Variants in FAM200B observed in about 807,000 individuals in gnomAD.
FAM200B encodes zinc finger BED-type containing 11, also known as protein FAM200B.
Under a neutral mutation model 33.1 loss-of-function variants are expected in FAM200B, and 32 were observed. That is an observed-to-expected ratio of 0.97 (90% CI 0.73 to 1.30). FAM200B has a LOEUF of 1.30. FAM200B is among the 50% of genes most tolerant of loss of function. FAM200B has a pLI of 0.00. For synonymous variants in FAM200B, 240 were observed against 264.8 expected (o/e 0.91, Z 0.91); for missense variants, 741 against 754.0 (o/e 0.98, Z 0.20).
the FAM200B span, chr4:15,644,395 A>G: frequency 1.0e-6 from 1 of 975,876 alleles, no homozygotes; most frequent in East Asian, 2.5e-5. Flanking sequence ...TTTTTTCAAC[A>G]TTACATCATT....
At chr4:15,645,072 T>C in the FAM200B span, among the ~76,000 whole-genome samples, 1 of 152,034 alleles carries the variant, frequency 6.6e-6, no homozygotes, top group Non-Finnish European at 1.5e-5. Flanking sequence ...GAAACTTGAT[T>C]AGGTTAAATA....
the FAM200B span, chr4:15,655,498 C>G: frequency 1.8e-6 from 1 of 549,238 alleles, no homozygotes; most frequent in Non-Finnish European, 2.3e-6. Flanking sequence ...CGCAGAGGCT[C>G]GCGGCTTCTG....
the FAM200B span, chr4:15,659,682 A>G: frequency 3.1e-5 from 30 of 972,844 alleles, no homozygotes; most frequent in Non-Finnish European, 3.7e-5. Context: ...ATTTTCAGAC[A>G]GAGAAGAGCC....
chr4:15,644,342 T>C, the FAM200B span: 2 of 656,514 alleles, frequency 3.0e-6, no homozygotes, highest in African/African-American at 3.6e-5. Context: ...GTAGTTCTTT[T>C]TAAATAGTCT....
At chr4:15,678,596 T>C (rs1184241979), upstream of FAM200B, among the ~76,000 whole-genome samples, 1 of 141,136 alleles carries the variant, frequency 7.1e-6, no homozygotes, top group Non-Finnish European at 1.6e-5. Context: ...ATAACAAGAA[T>C]GCAACAACTT....
the FAM200B span, chr4:15,638,402 G>T: frequency 1.5e-6 from 1 of 689,280 alleles, no homozygotes; most frequent in Non-Finnish European, 2.3e-6. Context: ...TGACCACAGT[G>T]CAGGCCTAAC....
At chr4:15,674,672 CAG>C in the FAM200B span, among the ~76,000 whole-genome samples, 1 of 147,156 alleles carries the variant, frequency 6.8e-6, no homozygotes, top group African/African-American at 2.5e-5. Flanking sequence ...TTTTTTGAGA[CAG>C]AGTCTCACTC....
chr4:15,670,685 T>A, the FAM200B span, among the ~76,000 whole-genome samples: 1 of 145,152 alleles, frequency 6.9e-6, no homozygotes, highest in Non-Finnish European at 1.5e-5. Flanking sequence ...TATTTTTGGT[T>A]TTCTTTTATA....
At chr4:15,663,693 CAT>C in the FAM200B span, among the ~76,000 whole-genome samples, 1 of 152,186 alleles carries the variant, frequency 6.6e-6, no homozygotes, top group Non-Finnish European at 1.5e-5. Context: ...GTACCTGTCA[CAT>C]AATTTTTTTT....
At chr4:15,676,505 A>G in the FAM200B span, among the ~76,000 whole-genome samples, 1 of 152,224 alleles carries the variant, frequency 6.6e-6, no homozygotes, top group African/African-American at 2.4e-5. Context: ...ATAAAATGAA[A>G]TATGTGGACA....
rs773463537 is a variant in FAM200B, at chr4:15,688,091, G to A, written c.1114G>A (p.Glu372Lys). ...NSRLLETFCS[E>K]IGTNHTHLLY... ...CCGGCTTCTTGAAACATTTTGTTCA[G>A]AGATTGGAACTAATCATACCCACTT... Residue 372 changes from glutamate (E) to lysine (K), a missense_variant, in exon 2 of 2, where the codon GAG (glutamate) becomes AAG (lysine). Coordinates refer to ENST00000422728, the MANE Select transcript of FAM200B (RefSeq NM_001145191.2). The A allele has an allele frequency of 3.6e-5, 56 of 1,551,040 alleles. 1 individual carries two copies. The highest frequency in any genetic ancestry group is 4.6e-5 in the Non-Finnish European group (53 of 1,146,758).
the FAM200B span, among the ~76,000 whole-genome samples, chr4:15,670,069 G>A: frequency 6.6e-6 from 1 of 152,146 alleles, no homozygotes; most frequent in Admixed American, 6.5e-5. Flanking sequence ...GCTTTATGGA[G>A]GTGTACCTTG....
chr4:15,660,276 T>C, the FAM200B span, among the ~76,000 whole-genome samples: 4 of 152,064 alleles, frequency 2.6e-5, no homozygotes, highest in Non-Finnish European at 4.4e-5. Flanking sequence ...AGAGGTGCAG[T>C]CTCATGATGT....
At position 15,687,835 on chromosome 4, in the gene FAM200B, A is replaced by G. The variant is rs752933961; in HGVS notation, c.858A>G (p.Leu286=). 1.6e-4 allele frequency: 246 copies of G among 1,551,206 alleles called. 1 individual carries two copies. The highest frequency in any genetic ancestry group is 2.1e-4 in the Non-Finnish European group (236 of 1,146,752). The change falls in exon 2 of 2, where the codon TTA becomes TTG. Residue 286 remains leucine (L), a synonymous_variant. Transcript: ENST00000422728. ...LERRIVGQYK[L]NWKNCKGITS... is the part of the protein sequence containing the mutation. ...GGCGCATAGTTGGCCAATATAAATTAAACTGGAAAAACTGTAAAGGAATTA... is the reference window on the plus strand; with the variant it reads ...GGCGCATAGTTGGCCAATATAAATTGAACTGGAAAAACTGTAAAGGAATTA...
chr4:15,687,874 A>G lies in FAM200B; in HGVS notation c.897A>G (p.Thr299=). The change falls in exon 2 of 2, where the codon ACA becomes ACG. Residue 299 remains threonine, a synonymous_variant. Coordinates refer to ENST00000422728, the MANE Select transcript of FAM200B (RefSeq NM_001145191.2). Reference sequence around the variant, plus strand: ...GTAAAGGAATTACAAGTGATGGCACAGCAACCATGACTGGAAAACATAGCA... The same window carrying G: ...GTAAAGGAATTACAAGTGATGGCACGGCAACCATGACTGGAAAACATAGCA... ...KNCKGITSDG[T]ATMTGKHSRV... is the part of the protein sequence containing the mutation. The G allele has an allele frequency of 6.4e-7, 1 of 1,551,322 alleles. No individual in the cohort carries two copies. The highest frequency in any genetic ancestry group is 8.7e-7 in the Non-Finnish European group (1 of 1,146,708).
chr4:15,679,357 A>G (rs947276002), upstream of FAM200B, among the ~76,000 whole-genome samples: 4 of 152,132 alleles, frequency 2.6e-5, no homozygotes, highest in Non-Finnish European at 5.9e-5. Flanking sequence ...GGGCTAAAAT[A>G]TCTACTCTTT....
Position 15,690,147 on chromosome 4 carries a change from T to G in FAM200B, c.*1196T>G, listed in dbSNP as rs181328712. The G allele has an allele frequency of 1.8e-5, 3 of 167,264 alleles. No individual in the cohort carries two copies. Among genetic ancestry groups the G allele is most frequent in the Non-Finnish European group, 4.4e-5 (3 of 68,120 alleles). The allele number at this position is 167,264 out of a possible 1,614,324, so 10.4% of individuals were successfully genotyped here. A position where few individuals can be genotyped will look rare whatever the true frequency, so the allele number is the denominator to read the frequency against. ...AAAAATCTAATTTTGACATAACTGC[T>G]GTAACCATCCAGAAACGGCATTGAT... On this transcript the variant is annotated 3_prime_UTR_variant, in exon 2 of 2. Transcript: ENST00000422728.
Position 15,690,415 on chromosome 4 carries a change from T to C in FAM200B, c.*1464T>C, listed in dbSNP as rs1460354482. On this transcript the variant is annotated 3_prime_UTR_variant, in exon 2 of 2. Transcript: ENST00000422728. ...TGAAGGTAATTGATTTTTTCTTTTT[T>C]TTTAATGCTTGAAATAAAGTGTTGA... 6.0e-6 allele frequency: 1 copy of C among 165,452 alleles called. No individual in the cohort carries two copies. The highest frequency in any genetic ancestry group is 1.5e-5 in the Non-Finnish European group (1 of 68,116). 10.2% of individuals were successfully genotyped at this position (165,452 alleles called of 1,614,324 possible).
At chr4:15,670,830 C>T in the FAM200B span, among the ~76,000 whole-genome samples, 3 of 150,802 alleles carry the variant, frequency 2.0e-5, no homozygotes, top group East Asian at 1.9e-4. Context: ...TCTGGTACAA[C>T]GGATCTACTG....
Sources: allele counts gnomAD v4.1 joint callset (sites outside exome capture counted in the v4.1 genomes callset), GRCh38; gene constraint gnomAD v4.1.1; transcripts MANE v1.5; gene names NCBI Gene and HGNC (gene_info 2026-07-23, HGNC 2026-07-21).